The following ERBB4 variants were observed in gnomAD, a reference collection of about 807,000 sequenced individuals.
The protein encoded by ERBB4 is erb-b2 receptor tyrosine kinase 4.
ERBB4 carries 42 observed loss-of-function variants against 158.0 expected under a neutral mutation model. The ratio of observed to expected loss-of-function variants is 0.27; its 90% CI spans 0.21 to 0.34. The LOEUF (loss-of-function observed/expected upper bound fraction) is 0.34. Among genes scored for constraint, ERBB4 ranks in the 10% least tolerant of loss-of-function variants. ERBB4 has a pLI of 1.00. For synonymous variants in ERBB4, 583 were observed against 558.7 expected, an observed-to-expected ratio of 1.04 and a Z score of -0.61; for missense variants, 1,333 against 1,624.1, an observed-to-expected ratio of 0.82 and a Z score of 3.08.
At position 211,599,211 on chromosome 2, in the gene ERBB4, T is replaced by C. The variant is rs527907451; in HGVS notation, c.2301+19966A>G. Among the ~76,000 whole-genome samples, 3 of 152,270 alleles carry C rather than the reference T, an allele frequency of 2.0e-5. No individual in the cohort carries two copies. The South Asian group carries it at 6.2e-4, about 32-fold the overall frequency. On this transcript the variant is annotated intron_variant, in intron 19 of 27. Transcript: ENST00000342788. ...TTAAGAAAAGTCTTTAAGCCAGTGA[T>C]TCCTGTGTATATACCCTCCAGAGGG...
intron 1 of ERBB4, among the ~76,000 whole-genome samples, chr2:212,175,191 C>T (rs766677654): frequency 1.7e-4 from 26 of 152,024 alleles, no homozygotes; most frequent in Non-Finnish European, 3.5e-4. Flanking sequence ...GGTCCTTTCA[C>T]GTTTATGTTA....
chr2:212,405,124 G>A (rs13408977), intron 1 of ERBB4, among the ~76,000 whole-genome samples: 18,186 of 151,774 alleles, frequency 0.12, 1,202 homozygotes, highest in Non-Finnish European at 0.15. Flanking sequence ...TCCAGCATCC[G>A]TAAGGAACTT....
chr2:211,459,546 G>T (rs1468491990), intron 20 of ERBB4, among the ~76,000 whole-genome samples: 1 of 152,122 alleles, frequency 6.6e-6, no homozygotes, highest in Admixed American at 6.6e-5. Flanking sequence ...TGAACCATGG[G>T]GGAGGTTTCC....
intron 2 of ERBB4, among the ~76,000 whole-genome samples, chr2:211,982,145 T>C (rs977956020): frequency 1.3e-5 from 2 of 152,028 alleles, no homozygotes; most frequent in African/African-American, 4.8e-5. Context: ...TTTATAAATA[T>C]ATATTGAGCT....
intron 1 of ERBB4, among the ~76,000 whole-genome samples, chr2:212,349,297 A>T (rs1458287207): frequency 6.7e-6 from 1 of 148,716 alleles, no homozygotes; most frequent in Non-Finnish European, 1.5e-5. Context: ...TCACACACAC[A>T]CACACACACA....
intron 2 of ERBB4, among the ~76,000 whole-genome samples, chr2:212,019,358 C>T (rs181472014): frequency 1.2e-3 from 187 of 152,058 alleles, no homozygotes; most frequent in African/African-American, 3.8e-3. Context: ...CATAATCTGC[C>T]GTTTTTAATT....
chr2:212,118,326 T>A (rs2079633898), intron 2 of ERBB4, among the ~76,000 whole-genome samples: 2 of 152,190 alleles, frequency 1.3e-5, no homozygotes, highest in Admixed American at 1.3e-4. Context: ...CACTCCTGAC[T>A]TTATTGTAAC....
At chr2:211,466,478 T>C (rs1287444209) in intron 20 of ERBB4, among the ~76,000 whole-genome samples, 1 of 152,032 alleles carries the variant, frequency 6.6e-6, no homozygotes, top group Non-Finnish European at 1.5e-5. Flanking sequence ...TTTTGTTGAA[T>C]CCAGGACAGG....
At chr2:211,474,956 G>C (rs891332633) in intron 20 of ERBB4, among the ~76,000 whole-genome samples, 8 of 151,954 alleles carry the variant, frequency 5.3e-5, no homozygotes, top group Non-Finnish European at 1.0e-4. Flanking sequence ...GGAAGACTGG[G>C]GAAGAGAGAA....
rs139372016 is a variant in ERBB4 at position 211,667,506 on chromosome 2, A to T, written c.1717-2029T>A. The stretch of plus-strand genomic sequence containing the variant: ...TCTACCTGAGGAGTTTGCTAATGGT[A>T]ACTTCTTATTTCTTCCCAAAAAAGA... On this transcript the variant is annotated intron_variant, in intron 14 of 27. Transcript: ENST00000342788. Among the ~76,000 whole-genome samples, 786 of 152,048 alleles carry T rather than the reference A, an allele frequency of 5.2e-3. 9 individuals are homozygous for T. The highest frequency in any genetic ancestry group is 0.018 in the African/African-American group (732 of 41,492).
intron 1 of ERBB4, among the ~76,000 whole-genome samples, chr2:212,389,882 G>A (rs1355578985): frequency 1.3e-5 from 2 of 151,508 alleles, no homozygotes; most frequent in African/African-American, 2.4e-5. Context: ...TATTAAAATG[G>A]TATAATAACT....
chr2:211,625,416 G>C (rs1309176890), intron 17 of ERBB4, among the ~76,000 whole-genome samples: 1 of 152,116 alleles, frequency 6.6e-6, no homozygotes, highest in Non-Finnish European at 1.5e-5. Flanking sequence ...GAAGATTCTT[G>C]ATTGAAGGTA....
chr2:211,746,873 ACAT>A (rs1389167141), intron 5 of ERBB4, among the ~76,000 whole-genome samples: 1 of 151,942 alleles, frequency 6.6e-6, no homozygotes, highest in Non-Finnish European at 1.5e-5. Flanking sequence ...TACTAGAAGA[ACAT>A]CGTGTTTCTT....
chr2:212,467,252 T>A (rs1005927610), intron 1 of ERBB4, among the ~76,000 whole-genome samples: 4 of 152,192 alleles, frequency 2.6e-5, no homozygotes, highest in African/African-American at 4.8e-5. Context: ...GCATAAGTAA[T>A]GAGGAGCCGA....
At chr2:212,034,050 T>C (rs933441256) in intron 2 of ERBB4, among the ~76,000 whole-genome samples, 3 of 151,972 alleles carry the variant, frequency 2.0e-5, no homozygotes, top group Non-Finnish European at 4.4e-5. Context: ...CAAAGTCTTA[T>C]TTCTTGTCTC....
chr2:211,869,785 C>A (rs1336851367), intron 3 of ERBB4, among the ~76,000 whole-genome samples: 1 of 152,018 alleles, frequency 6.6e-6, no homozygotes, highest in Non-Finnish European at 1.5e-5. Context: ...GGTATATATA[C>A]AAATTATATT....
chr2:211,696,738 T>G (rs1278473376), intron 12 of ERBB4, among the ~76,000 whole-genome samples: 1 of 152,060 alleles, frequency 6.6e-6, no homozygotes, highest in Non-Finnish European at 1.5e-5. Flanking sequence ...GGCGTGATCT[T>G]GGCTCACTGC....
rs2125310188 is a variant in ERBB4 at position 211,383,833 on chromosome 2, A to T, written c.3709T>A (p.Phe1237Ile). The change falls in exon 28 of 28, where the codon TTT (phenylalanine) becomes ATT (isoleucine). Residue 1237 changes from phenylalanine (F) to isoleucine (I), a missense_variant. Physicochemically the swap from Phe to Ile is conservative, Grantham distance 21 (BLOSUM62 0). This residue lies in a region of ERBB4 where 84 missense variants were observed against 110.8 expected (regional missense o/e 0.76). Coordinates refer to ENST00000342788, the MANE Select transcript of ERBB4 (RefSeq NM_005235.3). ...LSMPEKAKKA[F>I]DNPDYWNHSL... is the part of the protein sequence containing the mutation. ...TGGTTCCAGTAGTCAGGGTTGTCAA[A>T]CGCTTTCTTGGCCTTCTCTGGCATT... 6.2e-7 allele frequency: 1 copy of T among 1,614,056 alleles called. No homozygotes were observed. The highest frequency in any genetic ancestry group is 8.5e-7 in the Non-Finnish European group (1 of 1,179,998).
intron 1 of ERBB4, among the ~76,000 whole-genome samples, chr2:212,176,979 A>T (rs1196647352): frequency 1.3e-5 from 2 of 151,908 alleles, no homozygotes; most frequent in African/African-American, 4.8e-5. Flanking sequence ...TTTATATACA[A>T]ATGAAATTAA....
Sources: allele counts gnomAD v4.1 joint callset (sites outside exome capture counted in the v4.1 genomes callset), GRCh38; gene constraint gnomAD v4.1.1; regional missense constraint gnomAD v4.1.1; transcripts MANE v1.5; gene names NCBI Gene and HGNC (gene_info 2026-07-23, HGNC 2026-07-21).